Variants in INO80 observed in about 807,000 individuals in gnomAD.
INO80 encodes chromatin-remodeling ATPase INO80.
Under a neutral mutation model 203.4 loss-of-function variants are expected in INO80, and 20 were observed. The ratio of observed to expected loss-of-function variants is 0.10; its 90% CI spans 0.07 to 0.14. INO80 has a LOEUF of 0.14. Ranked by LOEUF, INO80 falls within the 10% of genes least tolerant of loss-of-function variation. The pLI is 1.00. For missense variants in INO80, 1,419 were observed against 1,914.4 expected, an observed-to-expected ratio of 0.74 and a Z score of 4.83; for synonymous variants, 726 against 685.2, an observed-to-expected ratio of 1.06 and a Z score of -0.93.
intron 8 of INO80, 24 bp from the exon 9 acceptor site, chr15:41,079,928 G>C (rs746396249): frequency 1.2e-6 from 2 of 1,606,716 alleles, no homozygotes; most frequent in Non-Finnish European, 1.7e-6. Context: ...CAGCATTACA[G>C]CGGAAAGGAC....
At chr15:41,055,953 T>TG (rs2044976052) in intron 17 of INO80, among the ~76,000 whole-genome samples, 1 of 150,136 alleles carries the variant, frequency 6.7e-6, no homozygotes, top group Non-Finnish European at 1.5e-5. Flanking sequence ...TGGTTTTTTT[T>TG]TTTTTTTTTG....
intron 29 of INO80, among the ~76,000 whole-genome samples, chr15:40,990,990 C>T (rs1214252192): frequency 6.6e-6 from 1 of 152,084 alleles, no homozygotes; most frequent in Non-Finnish European, 1.5e-5. Flanking sequence ...TATGGTTCAG[C>T]ACGAATTCAT....
Position 41,085,582 on chromosome 15 carries a change from A to G in INO80, c.660T>C (p.Ala220=), listed in dbSNP as rs1428145343. 2 of 1,613,380 alleles carry G rather than the reference A, an allele frequency of 1.2e-6. No homozygotes were observed. The highest frequency in any genetic ancestry group is 1.7e-6 in the Non-Finnish European group (2 of 1,179,676). The change falls in exon 7 of 36, where the codon GCT becomes GCC. Residue 220 remains alanine, a splice_region_variant and synonymous_variant. Coordinates refer to ENST00000648947, the MANE Select transcript of INO80 (RefSeq NM_017553.3). ...TTTTTTTCTTCACTTTTTTCAACTTAGCTGCAAAAGAAACAGATGCAACAG... is the reference window on the plus strand; with the variant it reads ...TTTTTTTCTTCACTTTTTTCAACTTGGCTGCAAAAGAAACAGATGCAACAG... ...KKFKEEKKLK[A]KLKKVKKKRR...
chr15:41,046,200 TACATAC>T (rs1335548103), intron 23 of INO80, among the ~76,000 whole-genome samples: 6 of 44,170 alleles, frequency 1.4e-4, no homozygotes, highest in Middle Eastern at 8.2e-3. Flanking sequence ...TGTGTGCGTA[TACATAC>T]ATATATATAT....
intron 29 of INO80, among the ~76,000 whole-genome samples, chr15:40,996,174 A>T (rs985374671): frequency 1.3e-5 from 2 of 152,194 alleles, no homozygotes; most frequent in African/African-American, 4.8e-5. Flanking sequence ...TCTATATGTC[A>T]GAGAGGCACC....
At chr15:41,104,669 C>G (rs1403954307) in intron 1 of INO80, among the ~76,000 whole-genome samples, 1 of 152,036 alleles carries the variant, frequency 6.6e-6, no homozygotes, top group East Asian at 1.9e-4. Context: ...TTCCGAGTAG[C>G]TGGGATTACA....
At chr15:41,035,578 T>C (rs529812404) in intron 24 of INO80, among the ~76,000 whole-genome samples, 1 of 151,294 alleles carries the variant, frequency 6.6e-6, no homozygotes, top group African/African-American at 2.4e-5. Context: ...TCCCAGCACT[T>C]TGAGAGGCCG....
At chr15:40,995,918 A>G (rs892947652) in intron 29 of INO80, among the ~76,000 whole-genome samples, 1 of 152,238 alleles carries the variant, frequency 6.6e-6, no homozygotes, top group African/African-American at 2.4e-5. Context: ...GCTACCCAGC[A>G]ATGCCTCCAG....
At position 40,982,965 on chromosome 15, in the gene INO80, T is replaced by G. The variant is rs141777871; in HGVS notation, c.4350A>C (p.Arg1450=). ...TAKGAGKGRS[R]KSTAGSAAAM... ...CAGCAGCACTGCCTGCCGTGGACTT[T>G]CGGCTCCGGCCCTTCCCTGCTCCTT... Residue 1450 remains arginine, a synonymous_variant, in exon 35 of 36, where the codon CGA becomes CGC. Coordinates refer to ENST00000648947, the MANE Select transcript of INO80 (RefSeq NM_017553.3). 3 of 1,614,210 alleles carry G rather than the reference T, an allele frequency of 1.9e-6. No homozygotes were observed. The highest frequency in any genetic ancestry group is 4.5e-5 in the East Asian group (2 of 44,888).
chr15:41,041,925 C>T (rs2044675249), intron 24 of INO80, among the ~76,000 whole-genome samples: 4 of 148,798 alleles, frequency 2.7e-5, no homozygotes, highest in Admixed American at 2.0e-4. Context: ...GCCTTGACAT[C>T]CTGGGTTCAA....
intron 14 of INO80, among the ~76,000 whole-genome samples, chr15:41,062,615 C>T (rs2045132524): frequency 6.6e-6 from 1 of 152,176 alleles, no homozygotes; most frequent in Non-Finnish European, 1.5e-5. Context: ...GTGCTGGAAA[C>T]TTAATCTCCA....
chr15:40,984,474 T>C (rs1368923099), intron 32 of INO80, 122 bp from the exon 33 acceptor site: 2 of 873,698 alleles, frequency 2.3e-6, no homozygotes, highest in African/African-American at 1.7e-5. Context: ...TCAATTAGCA[T>C]ATTTTTACGG....
intron 31 of INO80, among the ~76,000 whole-genome samples, chr15:40,986,006 A>T (rs1315929928): frequency 6.6e-6 from 1 of 152,124 alleles, no homozygotes; most frequent in African/African-American, 2.4e-5. Flanking sequence ...ATGGCTGTAG[A>T]GTTCTGAAAG....
chr15:41,056,543 A>C, intron 17 of INO80, 79 bp downstream of exon 17: 2 of 1,104,196 alleles, frequency 1.8e-6, no homozygotes, highest in Non-Finnish European at 2.7e-6. Context: ...CTGCAAGGGA[A>C]TGGGTAAAGA....
intron 27 of INO80, among the ~76,000 whole-genome samples, chr15:41,009,680 T>C (rs2044104843): frequency 6.6e-6 from 1 of 152,036 alleles, no homozygotes; most frequent in African/African-American, 2.4e-5. Flanking sequence ...CTCGACCTCC[T>C]GGGCTCAAAT....
intron 28 of INO80, among the ~76,000 whole-genome samples, chr15:41,004,010 T>C (rs961027326): frequency 6.6e-6 from 1 of 152,238 alleles, no homozygotes; most frequent in Admixed American, 6.5e-5. Flanking sequence ...GTATCACTGA[T>C]TTCAGAATTA....
In INO80 at chr15:41,087,476, T is replaced by G. The variant is rs577430537; in HGVS notation, c.658+86A>C. On this transcript the variant is annotated intron_variant, in intron 6 of 35. Transcript: ENST00000648947. ...AGCAAATTTCTACCATATGGACTTA[T>G]ATATAAAGTCCAAATGCACCAGTAG... 193 of 1,394,080 alleles carry G rather than the reference T, an allele frequency of 1.4e-4. No individual in the cohort carries two copies. The African/African-American group carries it at 2.6e-3, about 19-fold the overall frequency. 86.4% of individuals were successfully genotyped at this position (1,394,080 alleles called of 1,614,324 possible). A position where few individuals can be genotyped will look rare whatever the true frequency, so the allele number is the denominator to read the frequency against.
At chr15:41,032,705 G>A (rs559083385) in intron 24 of INO80, among the ~76,000 whole-genome samples, 5 of 152,236 alleles carry the variant, frequency 3.3e-5, no homozygotes, top group African/African-American at 7.2e-5. Flanking sequence ...AAATGCCCCC[G>A]ATTTTTAGGA....
chr15:41,013,454 G>A (rs2044160083), intron 27 of INO80, among the ~76,000 whole-genome samples: 1 of 152,108 alleles, frequency 6.6e-6, no homozygotes, highest in Admixed American at 6.5e-5. Flanking sequence ...TTTCTATTAT[G>A]AAAGTGACTG....
Sources: gnomAD v4.1 joint callset for allele counts (sites outside exome capture counted in the v4.1 genomes callset) on GRCh38, gnomAD v4.1.1 for gene constraint, MANE v1.5 for transcripts, NCBI Gene and HGNC (gene_info 2026-07-23, HGNC 2026-07-21) for gene names.